Variants in NTM observed in about 807,000 individuals in gnomAD.
NTM encodes the protein IgLON family member 2.
In NTM, 13 loss-of-function variants were observed where a neutral mutation model predicts 42.1. The observed-to-expected ratio is 0.31, with a 90% CI of 0.20 to 0.49. The LOEUF (loss-of-function observed/expected upper bound fraction) is 0.49, where lower values mean the gene tolerates loss of function less well. NTM is among the 20% of genes least tolerant of loss of function. NTM has a pLI of 0.99. For missense variants in NTM, 373 were observed against 452.8 expected (o/e 0.82, Z 1.60); for synonymous variants, 187 against 179.2 (o/e 1.04, Z -0.35).
intron 1 of NTM, among the ~76,000 whole-genome samples, chr11:131,457,728 C>A (rs139828517): frequency 1.7e-3 from 266 of 152,182 alleles, no homozygotes; most frequent in African/African-American, 5.8e-3. Flanking sequence ...TCCTCCCCCC[C>A]CAAATTTATG....
chr11:131,964,868 T>C lies in NTM; in HGVS notation c.167+53220T>C, dbSNP rs147413032. ...TGATGCCCCTCATACTAAAGGAGAG[T>C]TTAGGTTTTGTGGTTCAGCAGGATG... On this transcript the variant is annotated intron_variant, in intron 2 of 8. Coordinates refer to ENST00000683400, the MANE Select transcript of NTM (RefSeq NM_001352005.2). Among the ~76,000 whole-genome samples the C allele has an allele frequency of 5.3e-5, 8 of 152,096 alleles. No homozygotes were observed. The East Asian group carries it at 1.4e-3, about 26-fold the overall frequency.
At chr11:131,971,774 A>G (rs1475221829) in intron 2 of NTM, among the ~76,000 whole-genome samples, 1 of 152,036 alleles carries the variant, frequency 6.6e-6, no homozygotes, top group Non-Finnish European at 1.5e-5. Flanking sequence ...AGCTGGGCGC[A>G]GTGGCTCACG....
intron 1 of NTM, among the ~76,000 whole-genome samples, chr11:131,413,172 G>T (rs575959648): frequency 2.6e-4 from 40 of 152,266 alleles, no homozygotes; most frequent in South Asian, 4.1e-4. Flanking sequence ...AATAGAGTTG[G>T]TGCCACTTTG....
chr11:131,950,804 T>G (rs1306624240), intron 2 of NTM, among the ~76,000 whole-genome samples: 1 of 152,206 alleles, frequency 6.6e-6, no homozygotes, highest in Non-Finnish European at 1.5e-5. Flanking sequence ...AACCCTTCTC[T>G]AATCCTCCCA....
intron 4 of NTM, among the ~76,000 whole-genome samples, chr11:132,236,291 T>C (rs1243299582): frequency 1.3e-5 from 2 of 152,228 alleles, no homozygotes; most frequent in African/African-American, 4.8e-5. Context: ...TGGTGATTTT[T>C]CCAAAGTTAT....
intron 1 of NTM, among the ~76,000 whole-genome samples, chr11:131,603,347 T>C (rs752106084): frequency 6.6e-6 from 1 of 152,082 alleles, no homozygotes; most frequent in Non-Finnish European, 1.5e-5. Context: ...CTTATTAATA[T>C]GAAAAATACC....
chr11:132,111,211 G>T (rs1017037366), intron 2 of NTM, among the ~76,000 whole-genome samples: 3 of 150,014 alleles, frequency 2.0e-5, no homozygotes, highest in Admixed American at 6.7e-5. Context: ...GAAGTCCCCA[G>T]AAATTTATGT....
chr11:132,078,061 A>G (rs770509651), intron 2 of NTM, among the ~76,000 whole-genome samples: 54 of 152,338 alleles, frequency 3.5e-4, no homozygotes, highest in Non-Finnish European at 5.9e-4. Context: ...GGAAAAACTC[A>G]TATTTTCTTG....
At chr11:132,265,290 G>C (rs1203507194) in intron 4 of NTM, among the ~76,000 whole-genome samples, 2 of 152,166 alleles carry the variant, frequency 1.3e-5, no homozygotes, top group Non-Finnish European at 2.9e-5. Context: ...AACTGGAACA[G>C]CTTCTGGCAT....
At chr11:131,472,861 A>G (rs1952572894) in intron 1 of NTM, among the ~76,000 whole-genome samples, 1 of 152,096 alleles carries the variant, frequency 6.6e-6, no homozygotes, top group Admixed American at 6.6e-5. Context: ...AGCCCACATT[A>G]CTTCCACTAC....
At chr11:132,175,209 G>A (rs2076628675) in intron 3 of NTM, among the ~76,000 whole-genome samples, 1 of 152,180 alleles carries the variant, frequency 6.6e-6, no homozygotes, top group South Asian at 2.1e-4. Context: ...TGGTGTTGGT[G>A]GAGGGAGCAT....
At chr11:132,029,740 A>T (rs1255140767) in intron 2 of NTM, among the ~76,000 whole-genome samples, 6 of 152,166 alleles carry the variant, frequency 3.9e-5, no homozygotes, top group Non-Finnish European at 8.8e-5. Flanking sequence ...TGTTCTTATT[A>T]ATGGACTTTT....
intron 3 of NTM, chr11:132,147,032 C>G (rs1376880876): frequency 1.3e-5 from 2 of 156,020 alleles, no homozygotes; most frequent in African/African-American, 2.4e-5. Flanking sequence ...TCACTTGCGC[C>G]TCCTCTCCTC....
chr11:131,709,041 T>C (rs910813207), intron 1 of NTM, among the ~76,000 whole-genome samples: 2 of 152,044 alleles, frequency 1.3e-5, no homozygotes, highest in Admixed American at 6.6e-5. Context: ...GAAGAAAACA[T>C]TCTATACAGG....
At chr11:131,786,434 G>C (rs1459987862) in intron 1 of NTM, among the ~76,000 whole-genome samples, 1 of 152,200 alleles carries the variant, frequency 6.6e-6, no homozygotes, top group Admixed American at 6.5e-5. Context: ...ATGCAGAGAT[G>C]CTCAAGTTCA....
At chr11:132,253,739 T>C (rs901197802) in intron 4 of NTM, among the ~76,000 whole-genome samples, 2 of 152,164 alleles carry the variant, frequency 1.3e-5, no homozygotes, top group Admixed American at 6.5e-5. Flanking sequence ...AGTGACTTTT[T>C]CCCCCTCCTC....
intron 3 of NTM, among the ~76,000 whole-genome samples, chr11:132,154,319 C>T (rs2072676856): frequency 6.6e-6 from 1 of 152,126 alleles, no homozygotes; most frequent in Admixed American, 6.5e-5. Flanking sequence ...ACACCTAAGT[C>T]AATAAATCTT....
At chr11:131,450,880 C>T (rs900826199) in intron 1 of NTM, among the ~76,000 whole-genome samples, 9 of 152,026 alleles carry the variant, frequency 5.9e-5, no homozygotes, top group African/African-American at 2.2e-4. Context: ...GTAGTAGATG[C>T]CACAGAAATG....
Position 131,873,632 on chromosome 11 carries a change from TATACACATATATATATAC to T in NTM, c.83-37930_83-37913del, listed in dbSNP as rs1215678933. Reference sequence around the variant, plus strand: ...TATACCGTATATATATACATATATATATACACATATATATATACACACATATATATACACATATATATA... The same window carrying T: ...TATACCGTATATATATACATATATATACACATATATATACACATATATATA... On this transcript the variant is annotated intron_variant, in intron 1 of 8. Transcript: ENST00000683400. Among the ~76,000 whole-genome samples the T allele has an allele frequency of 7.2e-4, 95 of 132,616 alleles. 5 individuals are homozygous for T. The highest frequency in any genetic ancestry group is 2.8e-3 in the African/African-American group (92 of 32,442). The allele number at this position is 132,616 out of a possible 152,430, so 87.0% of individuals were successfully genotyped here. A position where few individuals can be genotyped will look rare whatever the true frequency, so the allele number is the denominator to read the frequency against.
Sources: allele counts gnomAD v4.1 joint callset (sites outside exome capture counted in the v4.1 genomes callset), GRCh38; gene constraint gnomAD v4.1.1; transcripts MANE v1.5; gene names NCBI Gene and HGNC (gene_info 2026-07-23, HGNC 2026-07-21).